PXDNL: variants seen among roughly 807,000 people sequenced by gnomAD.
PXDNL encodes probable oxidoreductase PXDNL.
Under a neutral mutation model 150.8 loss-of-function variants are expected in PXDNL, and 145 were observed. The observed-to-expected ratio is 0.96, with a 90% CI of 0.84 to 1.10. PXDNL has a LOEUF of 1.10. Among genes scored for constraint, PXDNL ranks in the 50% least tolerant of loss-of-function variants. The pLI is 0.00. For synonymous variants in PXDNL, 757 were observed against 725.7 expected, an observed-to-expected ratio of 1.04 and a Z score of -0.69; for missense variants, 2,087 against 1,873.9, an observed-to-expected ratio of 1.11 and a Z score of -2.10.
chr8:51,622,678 A>G (rs911159944), intron 2 of PXDNL, among the ~76,000 whole-genome samples: 1 of 152,226 alleles, frequency 6.6e-6, no homozygotes, highest in African/African-American at 2.4e-5. Flanking sequence ...GACGTAAGGG[A>G]AGCTGGTGCT....
chr8:51,656,395 T>G (rs1815150342), intron 1 of PXDNL, among the ~76,000 whole-genome samples: 1 of 152,194 alleles, frequency 6.6e-6, no homozygotes, highest in Non-Finnish European at 1.5e-5. Flanking sequence ...CCATTGCTGT[T>G]TGGTATGTCT....
At chr8:51,491,158 A>G (rs963140668) in intron 5 of PXDNL, among the ~76,000 whole-genome samples, 1 of 152,170 alleles carries the variant, frequency 6.6e-6, no homozygotes, top group African/African-American at 2.4e-5. Context: ...AAATTCTTCA[A>G]GTCTGGGACT....
intron 9 of PXDNL, among the ~76,000 whole-genome samples, chr8:51,455,477 G>A (rs886697267): frequency 6.6e-6 from 1 of 152,140 alleles, no homozygotes; most frequent in Non-Finnish European, 1.5e-5. Flanking sequence ...AATTTTACAT[G>A]AAGTATGAAA....
chr8:51,473,272 T>C (rs1349506282), intron 7 of PXDNL, among the ~76,000 whole-genome samples: 3 of 17,272 alleles, frequency 1.7e-4, no homozygotes, highest in Non-Finnish European at 2.4e-4. Flanking sequence ...CAGTAGAAAA[T>C]AAACACACAC....
intron 3 of PXDNL, among the ~76,000 whole-genome samples, chr8:51,572,909 G>C (rs1358704141): frequency 6.6e-6 from 1 of 151,646 alleles, no homozygotes; most frequent in Non-Finnish European, 1.5e-5. Flanking sequence ...AAACTAAAAG[G>C]CCTCTGAAAG....
chr8:51,426,328 A>T (rs567430416), intron 13 of PXDNL, among the ~76,000 whole-genome samples: 1 of 152,158 alleles, frequency 6.6e-6, no homozygotes, highest in African/African-American at 2.4e-5. Flanking sequence ...ATGGTTTCTT[A>T]TTAGCCACTA....
At chr8:51,648,724 G>T (rs1470481714) in intron 2 of PXDNL, among the ~76,000 whole-genome samples, 4 of 151,812 alleles carry the variant, frequency 2.6e-5, no homozygotes, top group African/African-American at 9.7e-5. Flanking sequence ...AATTATATGC[G>T]CTATGATTAT....
rs1563418431 is a variant in PXDNL at position 51,452,937 on chromosome 8, C to CACACACAA, written c.1249+581_1249+582insTTGTGTGT. ...ACACACACAAACGCACACACACAAA[C>CACACACAA]ACACACACACACACACACATGCACG... On this transcript the variant is annotated intron_variant, in intron 10 of 22. Transcript: ENST00000356297. 1.4e-3 allele frequency among the ~76,000 whole-genome samples: 210 copies of CACACACAA among 149,964 alleles called. 1 individual carries two copies. The highest frequency in any genetic ancestry group is 4.8e-3 in the African/African-American group (194 of 40,452).
chr8:51,561,919 T>C (rs1812727674), intron 3 of PXDNL, among the ~76,000 whole-genome samples: 1 of 151,898 alleles, frequency 6.6e-6, no homozygotes, highest in African/African-American at 2.4e-5. Context: ...CGACATAAAA[T>C]CATCTAAATT....
At position 51,809,292 on chromosome 8, in the gene PXDNL, C is replaced by A. The variant is rs760365141; in HGVS notation, c.53G>T (p.Cys18Phe). The A allele has an allele frequency of 3.2e-6, 5 of 1,586,832 alleles. No homozygotes were observed. The highest frequency in any genetic ancestry group is 3.4e-6 in the Non-Finnish European group (4 of 1,166,510). The stretch of plus-strand genomic sequence containing the variant: ...GCTGGGGCAGGGCAACCCTGGCAGG[C>A]ACCACCCGGCCAGGAGAAAGAGAGT... ...WTTLFLLAGW[C>F]LPGLPCPSRC... is the part of the protein sequence containing the mutation. Residue 18 changes from cysteine to phenylalanine, a missense_variant, in exon 1 of 23, where the codon TGC becomes TTC. Transcript: ENST00000356297.
chr8:51,705,049 A>G (rs1478769079), intron 1 of PXDNL, among the ~76,000 whole-genome samples: 1 of 152,182 alleles, frequency 6.6e-6, no homozygotes, highest in Admixed American at 6.5e-5. Context: ...TCAGAAAAAA[A>G]ATAAATAAAT....
chr8:51,661,790 A>G (rs1815275487), intron 1 of PXDNL, among the ~76,000 whole-genome samples: 1 of 152,032 alleles, frequency 6.6e-6, no homozygotes, highest in South Asian at 2.1e-4. Flanking sequence ...CCCTGTGGGA[A>G]ACTTGTCTGC....
At chr8:51,713,331 A>C (rs1816538237) in intron 1 of PXDNL, among the ~76,000 whole-genome samples, 1 of 152,246 alleles carries the variant, frequency 6.6e-6, no homozygotes, top group Non-Finnish European at 1.5e-5. Flanking sequence ...GTCTTTTTTA[A>C]ATAAAGGAAC....
intron 12 of PXDNL, among the ~76,000 whole-genome samples, chr8:51,437,985 C>A (rs976183225): frequency 1.3e-5 from 2 of 152,084 alleles, no homozygotes; most frequent in Admixed American, 1.3e-4. Context: ...TTAATGTACA[C>A]AAATCAGTAG....
intron 1 of PXDNL, among the ~76,000 whole-genome samples, chr8:51,754,384 T>C (rs1190327337): frequency 6.6e-6 from 1 of 152,166 alleles, no homozygotes; most frequent in Non-Finnish European, 1.5e-5. Flanking sequence ...AACCCACCAC[T>C]GGAGGCAGCC....
At chr8:51,475,395 AT>A (rs1810449884) in intron 6 of PXDNL, among the ~76,000 whole-genome samples, 1 of 149,552 alleles carries the variant, frequency 6.7e-6, no homozygotes, top group Non-Finnish European at 1.5e-5. Flanking sequence ...TTTTCCCTTA[AT>A]GTGCACTATG....
intron 19 of PXDNL, among the ~76,000 whole-genome samples, chr8:51,351,424 A>G (rs1806347489): frequency 6.6e-6 from 1 of 152,220 alleles, no homozygotes; most frequent in Non-Finnish European, 1.5e-5. Flanking sequence ...GAGATACAGC[A>G]GAAGCCAAGA....
intron 1 of PXDNL, among the ~76,000 whole-genome samples, chr8:51,669,966 G>A (rs1436251275): frequency 6.6e-6 from 1 of 152,176 alleles, no homozygotes; most frequent in African/African-American, 2.4e-5. Flanking sequence ...GCTGAGCACG[G>A]TGGCTCATGC....
At chr8:51,492,777 C>A (rs947555080) in intron 5 of PXDNL, among the ~76,000 whole-genome samples, 7 of 152,168 alleles carry the variant, frequency 4.6e-5, no homozygotes, top group African/African-American at 1.2e-4. Flanking sequence ...GTAAACAAAG[C>A]AGCCCAGAAG....
Sources: allele counts gnomAD v4.1 joint callset (sites outside exome capture counted in the v4.1 genomes callset), GRCh38; gene constraint gnomAD v4.1.1; transcripts MANE v1.5; gene names NCBI Gene and HGNC (gene_info 2026-07-23, HGNC 2026-07-21).